Variants in BMPR1B observed in about 807,000 individuals in gnomAD.
The protein encoded by BMPR1B is bone morphogenetic protein receptor type-1B.
In BMPR1B, 12 loss-of-function variants were observed where a neutral mutation model predicts 59.1. The observed-to-expected ratio is 0.20, with a 90% confidence interval of 0.13 to 0.33. BMPR1B has a LOEUF of 0.33. BMPR1B is among the 10% of genes least tolerant of loss of function. The probability of loss-of-function intolerance (pLI) is 1.00; values close to 1 mark genes in which losing one functional copy is unlikely to be tolerated. For synonymous variants in BMPR1B, 237 were observed against 207.3 expected (o/e 1.14, Z -1.23); for missense variants, 550 against 610.9 (o/e 0.90, Z 1.05).
At chr4:94,980,383 T>G (rs1024487269) in intron 2 of BMPR1B, among the ~76,000 whole-genome samples, 7 of 152,180 alleles carry the variant, frequency 4.6e-5, no homozygotes, top group African/African-American at 1.7e-4. Flanking sequence ...AATTCCTCTG[T>G]GATATACAAC....
chr4:94,883,718 A>G (rs1727067110), intron 2 of BMPR1B, among the ~76,000 whole-genome samples: 1 of 152,198 alleles, frequency 6.6e-6, no homozygotes, highest in Non-Finnish European at 1.5e-5. Context: ...AATAAATTGC[A>G]TCAATTTGCA....
At chr4:95,128,602 T>C (rs1414315593) in intron 8 of BMPR1B, among the ~76,000 whole-genome samples, 1 of 152,214 alleles carries the variant, frequency 6.6e-6, no homozygotes, top group South Asian at 2.1e-4. Flanking sequence ...TTTATAATAT[T>C]GTTCAGAGCT....
chr4:94,968,615 T>C (rs1730650508), intron 2 of BMPR1B, among the ~76,000 whole-genome samples: 1 of 152,144 alleles, frequency 6.6e-6, no homozygotes, highest in African/African-American at 2.4e-5. Context: ...CGTTGACCCT[T>C]ATGCTACAAC....
At chr4:94,875,644 G>A (rs1381496784) in intron 1 of BMPR1B, among the ~76,000 whole-genome samples, 187 bp from the exon 2 acceptor site, 12 of 152,166 alleles carry the variant, frequency 7.9e-5, no homozygotes, top group Non-Finnish European at 1.3e-4. Flanking sequence ...AGATCGCGCC[G>A]CTGCACTCCA....
chr4:95,131,560 A>T, intron 10 of BMPR1B, 48 bp downstream of exon 10: 2 of 1,599,226 alleles, frequency 1.3e-6, no homozygotes, highest in Non-Finnish European at 1.7e-6. Context: ...CTTTTCTGTT[A>T]CTTTTTATTT....
chr4:94,827,844 C>T (rs763216152), intron 1 of BMPR1B, among the ~76,000 whole-genome samples: 4 of 152,128 alleles, frequency 2.6e-5, no homozygotes, highest in Non-Finnish European at 5.9e-5. Flanking sequence ...AAGTTTTCAT[C>T]GAAGCAGCAC....
intron 6 of BMPR1B, 139 bp downstream of exon 6, chr4:95,115,926 A>G (rs542871454): frequency 1.3e-6 from 1 of 762,292 alleles, no homozygotes; most frequent in Non-Finnish European, 2.2e-6. Flanking sequence ...ATGACATGGA[A>G]CCATCATTCG....
chr4:95,112,999 G>A (rs1369086), intron 4 of BMPR1B, among the ~76,000 whole-genome samples: 133,460 of 151,998 alleles, frequency 0.88, 58,961 homozygotes, highest in Middle Eastern at 0.95. Context: ...ATATTTTCCG[G>A]TAATTTTTGA....
chr4:95,014,132 A>G (rs1008627141), intron 3 of BMPR1B, among the ~76,000 whole-genome samples: 18 of 152,218 alleles, frequency 1.2e-4, no homozygotes, highest in African/African-American at 4.3e-4. Context: ...ATAATTGTTA[A>G]AAGAATGAAT....
intron 10 of BMPR1B, among the ~76,000 whole-genome samples, chr4:95,145,030 A>T (rs1734542244): frequency 6.6e-6 from 1 of 152,200 alleles, no homozygotes; most frequent in Non-Finnish European, 1.5e-5. Context: ...ATATATACTT[A>T]TATTTGTGAT....
chr4:94,954,599 A>T (rs1345718210), intron 2 of BMPR1B, among the ~76,000 whole-genome samples: 2 of 152,210 alleles, frequency 1.3e-5, no homozygotes, highest in Non-Finnish European at 2.9e-5. Context: ...AAAGAGTGGG[A>T]CTTGAGAGCC....
At chr4:95,009,676 A>C (rs1723088782) in intron 3 of BMPR1B, among the ~76,000 whole-genome samples, 1 of 152,204 alleles carries the variant, frequency 6.6e-6, no homozygotes, top group South Asian at 2.1e-4. Flanking sequence ...TTTTCAGGAT[A>C]CCCTTATTTT....
At chr4:95,072,741 C>T (rs1728405779) in intron 3 of BMPR1B, among the ~76,000 whole-genome samples, 1 of 152,066 alleles carries the variant, frequency 6.6e-6, no homozygotes, top group Non-Finnish European at 1.5e-5. Flanking sequence ...TATCACCATA[C>T]ATATTCATTT....
At chr4:94,983,397 A>C (rs1024149101) in intron 2 of BMPR1B, among the ~76,000 whole-genome samples, 11 of 152,224 alleles carry the variant, frequency 7.2e-5, no homozygotes, top group Admixed American at 5.2e-4. Context: ...TTGCTCAATA[A>C]GTGTTTTTTA....
At chr4:95,075,831 G>A (rs998869749) in intron 3 of BMPR1B, among the ~76,000 whole-genome samples, 1 of 152,092 alleles carries the variant, frequency 6.6e-6, no homozygotes, top group Non-Finnish European at 1.5e-5. Flanking sequence ...TTATATTACT[G>A]TAAGGCTTCT....
rs148533181 is a variant in BMPR1B, at chr4:94,783,318, T to C, written c.-183+25250T>C. 2.6e-3 allele frequency among the ~76,000 whole-genome samples: 390 copies of C among 152,324 alleles called. 12 individuals are homozygous for C. The highest frequency in any genetic ancestry group is 0.023 in the Admixed American group (347 of 15,306). On this transcript the variant is annotated intron_variant, in intron 1 of 12. Transcript: ENST00000515059. ...GATTCCAGGAGGACTCTTAACTCTT[T>C]TCCTAGTTCTCTATGGTAAACTATC...
Position 95,155,056 on chromosome 4 carries a change from A to C in BMPR1B, c.*383A>C, listed in dbSNP as rs1392402043. The C allele has an allele frequency of 5.4e-6, 1 of 184,880 alleles. No individual in the cohort carries two copies. Among genetic ancestry groups the C allele is most frequent in the Non-Finnish European group, 1.1e-5 (1 of 87,330 alleles). The allele number at this position is 184,880 out of a possible 1,614,324, so 11.5% of individuals were successfully genotyped here. On this transcript the variant is annotated 3_prime_UTR_variant, in exon 13 of 13. Coordinates refer to ENST00000515059, the MANE Select transcript of BMPR1B (RefSeq NM_001203.3). ...TAGTATTATAGTTTAAATAATAACA[A>C]CAAAATTCTTCCCAGGAACTCTGCT...
intron 2 of BMPR1B, among the ~76,000 whole-genome samples, chr4:94,950,371 A>G (rs988488822): frequency 3.3e-5 from 5 of 152,012 alleles, no homozygotes; most frequent in East Asian, 1.9e-4. Context: ...GCCCATGCCT[A>G]TGTCCTGAAT....
chr4:95,073,845 A>C (rs1728504217), intron 3 of BMPR1B, among the ~76,000 whole-genome samples: 1 of 152,178 alleles, frequency 6.6e-6, no homozygotes, highest in African/African-American at 2.4e-5. Context: ...ATATTTATGA[A>C]GTCCTTTGAC....
Sources: gnomAD v4.1 joint callset for allele counts (sites outside exome capture counted in the v4.1 genomes callset) on GRCh38, gnomAD v4.1.1 for gene constraint, MANE v1.5 for transcripts, NCBI Gene and HGNC (gene_info 2026-07-23, HGNC 2026-07-21) for gene names.